The following NBAS variants were observed in gnomAD, a reference collection of about 807,000 sequenced individuals.
NBAS encodes the protein NBAS subunit of NRZ tethering complex.
In NBAS, 219 loss-of-function variants were observed where a neutral mutation model predicts 302.5. The ratio of observed to expected loss-of-function variants is 0.72; its 90% CI spans 0.65 to 0.81. NBAS has a LOEUF of 0.81. Ranked by LOEUF, NBAS falls within the 30% of genes least tolerant of loss-of-function variation. NBAS has a pLI of 0.00. For synonymous variants in NBAS, 1,118 were observed against 1,021.6 expected (o/e 1.09, Z -1.80); for missense variants, 2,932 against 2,841.6 (o/e 1.03, Z -0.72).
chr2:15,197,914 C>A (rs931630722), intron 48 of NBAS, among the ~76,000 whole-genome samples: 3 of 152,184 alleles, frequency 2.0e-5, no homozygotes, highest in South Asian at 2.1e-4. Flanking sequence ...GCTGAAACTG[C>A]AAACTGTTTT....
intron 11 of NBAS, among the ~76,000 whole-genome samples, chr2:15,503,017 T>A (rs1661654078): frequency 6.6e-6 from 1 of 152,240 alleles, no homozygotes; most frequent in Non-Finnish European, 1.5e-5. Context: ...TTTTACTTTT[T>A]ACACATTTTT....
chr2:14,915,391 C>A, the NBAS span, among the ~76,000 whole-genome samples: 2 of 152,156 alleles, frequency 1.3e-5, no homozygotes, highest in African/African-American at 4.8e-5. Context: ...TGACCTGGCA[C>A]AAGTTATTTA....
At chr2:15,053,332 G>A in the NBAS span, among the ~76,000 whole-genome samples, 2 of 152,094 alleles carry the variant, frequency 1.3e-5, no homozygotes, top group Non-Finnish European at 2.9e-5. Context: ...GAATAATATC[G>A]CATGCATAGA....
At chr2:15,128,901 C>A in the NBAS span, among the ~76,000 whole-genome samples, 1 of 152,118 alleles carries the variant, frequency 6.6e-6, no homozygotes, top group South Asian at 2.1e-4. Flanking sequence ...AAGTCAGGCA[C>A]CAGGGCGTGG....
At chr2:15,148,513 A>T in the NBAS span, among the ~76,000 whole-genome samples, 1 of 152,186 alleles carries the variant, frequency 6.6e-6, no homozygotes, top group Non-Finnish European at 1.5e-5. Flanking sequence ...CCACGTGCAG[A>T]GTGGTACCTG....
intron 38 of NBAS, among the ~76,000 whole-genome samples, chr2:15,312,274 T>C (rs1671313805): frequency 1.3e-5 from 2 of 152,166 alleles, no homozygotes; most frequent in South Asian, 4.1e-4. Context: ...ACATTCTTTT[T>C]TTTTCTTTAC....
chr2:14,844,993 G>A, the NBAS span, among the ~76,000 whole-genome samples: 9 of 152,358 alleles, frequency 5.9e-5, no homozygotes, highest in Admixed American at 5.9e-4. Flanking sequence ...CCCTCAAGAT[G>A]AGAGACACAA....
chr2:15,381,877 C>A (rs746893043), intron 29 of NBAS, among the ~76,000 whole-genome samples: 2 of 152,124 alleles, frequency 1.3e-5, no homozygotes, highest in African/African-American at 2.4e-5. Context: ...TTGTTAAAAT[C>A]GCCCTGAATT....
At chr2:15,091,155 C>T in the NBAS span, among the ~76,000 whole-genome samples, 1 of 152,164 alleles carries the variant, frequency 6.6e-6, no homozygotes, top group African/African-American at 2.4e-5. Flanking sequence ...GGCTGTCTGT[C>T]GGTTAATACG....
chr2:15,183,428 G>A (rs1664923014), intron 50 of NBAS, among the ~76,000 whole-genome samples: 2 of 152,288 alleles, frequency 1.3e-5, no homozygotes, highest in East Asian at 1.9e-4. Context: ...ACATGATAAC[G>A]ACCTACTTTG....
At chr2:14,823,312 T>A in the NBAS span, among the ~76,000 whole-genome samples, 1 of 152,238 alleles carries the variant, frequency 6.6e-6, no homozygotes, top group Non-Finnish European at 1.5e-5. Flanking sequence ...CATGATTCAC[T>A]TGTAAAACTT....
chr2:15,076,893 A>G, the NBAS span, among the ~76,000 whole-genome samples: 3 of 152,226 alleles, frequency 2.0e-5, no homozygotes, highest in Admixed American at 6.5e-5. Context: ...GTTGCATCAT[A>G]ATTCAAACAA....
chr2:15,522,798 A>G (rs1468912), intron 9 of NBAS, among the ~76,000 whole-genome samples: 93,869 of 152,102 alleles, frequency 0.62, 29,852 homozygotes, highest in Non-Finnish European at 0.68. Context: ...CCAAAATTTA[A>G]CTACTAATAG....
intron 47 of NBAS, among the ~76,000 whole-genome samples, chr2:15,232,182 T>G (rs1160871977): frequency 6.6e-6 from 1 of 152,152 alleles, no homozygotes; most frequent in Non-Finnish European, 1.5e-5. Context: ...ATGATGATTA[T>G]TATTTCTAAT....
rs538782967 is a variant in NBAS at position 15,190,182 on chromosome 2, G to A, written c.6572+82C>T. ...CACACATATAATTATTCTTTCATTG[G>A]CTCTTTGGAAGGTGCTACATTTTTA... On this transcript the variant is annotated intron_variant, in intron 49 of 51. Coordinates refer to ENST00000281513, the MANE Select transcript of NBAS (RefSeq NM_015909.4). 21 of 1,476,882 alleles carry A rather than the reference G, an allele frequency of 1.4e-5. No homozygotes were observed. In the South Asian group the frequency reaches 2.3e-4, roughly 16 times the overall value. The allele number at this position is 1,476,882 out of a possible 1,614,324, so 91.5% of individuals were successfully genotyped here.
chr2:15,258,100 G>A (rs937076472), intron 44 of NBAS, among the ~76,000 whole-genome samples: 5 of 152,282 alleles, frequency 3.3e-5, no homozygotes, highest in East Asian at 3.9e-4. Context: ...GGCTGGAGCC[G>A]TGGCAGAGGA....
chr2:15,335,327 A>T (rs1672533704), intron 35 of NBAS, among the ~76,000 whole-genome samples: 1 of 152,202 alleles, frequency 6.6e-6, no homozygotes, highest in Non-Finnish European at 1.5e-5. Flanking sequence ...CTGCCCTGAC[A>T]TGCTGGTAAT....
intron 48 of NBAS, among the ~76,000 whole-genome samples, chr2:15,192,157 C>T (rs888546696): frequency 3.3e-5 from 5 of 152,202 alleles, no homozygotes; most frequent in African/African-American, 1.2e-4. Flanking sequence ...TTACTTGTTG[C>T]CTTTCTTCTT....
the NBAS span, among the ~76,000 whole-genome samples, chr2:15,091,334 C>T: frequency 2.6e-5 from 4 of 152,254 alleles, no homozygotes; most frequent in South Asian, 4.1e-4. Context: ...GATTTTCTTC[C>T]GCCTCTGCCA....
Sources: allele counts gnomAD v4.1 joint callset (sites outside exome capture counted in the v4.1 genomes callset), GRCh38; gene constraint gnomAD v4.1.1; transcripts MANE v1.5; gene names NCBI Gene and HGNC (gene_info 2026-07-23, HGNC 2026-07-21).